The following SLC43A2 variants were observed in gnomAD, a reference collection of about 807,000 sequenced individuals.
The protein encoded by SLC43A2 is solute carrier family 43 member 2, also known as large neutral amino acids transporter small subunit 4.
A neutral mutation model predicts 63.2 loss-of-function variants in SLC43A2; 38 were observed. The ratio of observed to expected loss-of-function variants is 0.60; its 90% CI spans 0.46 to 0.79. The LOEUF is 0.79. Among genes scored for constraint, SLC43A2 ranks in the 30% least tolerant of loss-of-function variants. SLC43A2 has a pLI of 0.00. For synonymous variants in SLC43A2, 322 were observed against 331.0 expected (o/e 0.97, Z 0.30); for missense variants, 644 against 756.2 (o/e 0.85, Z 1.74).
Position 1,605,816 on chromosome 17 carries a change from C to T in SLC43A2, c.501+7379G>A, listed in dbSNP as rs1000200876. 5.9e-5 allele frequency among the ~76,000 whole-genome samples: 9 copies of T among 152,212 alleles called. No individual in the cohort carries two copies. In the South Asian group the frequency reaches 6.2e-4, roughly 11 times the overall value. ...CGGGCACCTCCAAGCACATGCTGCC[C>T]GGGACAAGGTCCTTGTGGTCACCTT... On this transcript the variant is annotated intron_variant, in intron 5 of 13. Coordinates refer to ENST00000301335, the MANE Select transcript of SLC43A2 (RefSeq NM_152346.3). The surrounding 1 kb of genome is among the most constrained non-coding windows in gnomAD (Gnocchi z 4.9).
Position 1,583,473 on chromosome 17 carries a change from T to G in SLC43A2, c.1218-137A>C, listed in dbSNP as rs532003645. The G allele has an allele frequency of 8.8e-5, 128 of 1,454,166 alleles. No homozygotes were observed. The East Asian group carries it at 3.0e-3, about 34-fold the overall frequency. 90.1% of individuals were successfully genotyped at this position (1,454,166 alleles called of 1,614,324 possible). On this transcript the variant is annotated intron_variant, in intron 10 of 13. Transcript: ENST00000301335. The surrounding 1 kb of genome is among the most constrained non-coding windows in gnomAD (Gnocchi z 5.5). ...AGCCACCCAGGCACGTTTTAGGGAC[T>G]GTGTCGGGGCTGGACCAGCACTACG...
At chr17:1,585,728 T>C in intron 10 of SLC43A2, 185 bp downstream of exon 10, 3 of 1,545,014 alleles carry the variant, frequency 1.9e-6, no homozygotes, top group Admixed American at 1.9e-5. Context: ...ACAATTTCCA[T>C]AAAGAGGGGA....
Position 1,578,260 on chromosome 17 carries a change from A to C in SLC43A2, c.1414T>G (p.Tyr472Asp), listed in dbSNP as rs761308703. Reference protein sequence around the residue: ...GFIHSAVGGLYAAVYPSTQFG... With the variant: ...GFIHSAVGGLDAAVYPSTQFG... ...GCTTCCAGGACTTACACGGCAGCGT[A>C]CAGGCCCCCGACAGCGGAGTGGATG... The change falls in exon 12 of 14, where the codon TAC (tyrosine) becomes GAC (aspartate). Residue 472 changes from tyrosine (Y) to aspartate (D), a missense_variant. Around this residue, in one of 3 missense-constraint regions of SLC43A2, gnomAD observed 11 missense variants for 30.9 expected, o/e 0.36. Coordinates refer to ENST00000301335, the MANE Select transcript of SLC43A2 (RefSeq NM_152346.3). The surrounding 1 kb of genome is among the most constrained non-coding windows in gnomAD (Gnocchi z 6.5). The C allele has an allele frequency of 6.2e-7, 1 of 1,613,898 alleles. No individual in the cohort carries two copies. Among genetic ancestry groups the C allele is most frequent in the African/African-American group, 1.3e-5 (1 of 75,042 alleles).
chr17:1,575,678 G>A lies in SLC43A2; in HGVS notation c.1636C>T (p.Leu546=). ...ICYRRQLERQ[L]QQRQEDDKLF... Reference sequence around the variant, plus strand: ...TTGTCATCCTCCTGCCTCTGCTGCAGCTGCCGCTCCAGCTGGCGCCGGTAG... The same window carrying A: ...TTGTCATCCTCCTGCCTCTGCTGCAACTGCCGCTCCAGCTGGCGCCGGTAG... The change falls in exon 14 of 14, where the codon CTG becomes TTG. Residue 546 remains leucine, a synonymous_variant. Coordinates refer to ENST00000301335, the MANE Select transcript of SLC43A2 (RefSeq NM_152346.3). 1.2e-6 allele frequency: 2 copies of A among 1,612,792 alleles called. No homozygotes were observed. The highest frequency in any genetic ancestry group is 1.7e-6 in the Non-Finnish European group (2 of 1,179,778).
chr17:1,588,966 C>T (rs138707621), intron 9 of SLC43A2, among the ~76,000 whole-genome samples: 319 of 152,306 alleles, frequency 2.1e-3, no homozygotes, highest in African/African-American at 7.1e-3. Flanking sequence ...CCCCCTCCTG[C>T]GGAGCCGCAA....
At chr17:1,621,201 G>T (rs1908121129) in intron 2 of SLC43A2, among the ~76,000 whole-genome samples, 1 of 152,206 alleles carries the variant, frequency 6.6e-6, no homozygotes, top group African/African-American at 2.4e-5. Flanking sequence ...AAAAGAGGGT[G>T]CTGTGGCCCC....
intron 2 of SLC43A2, among the ~76,000 whole-genome samples, chr17:1,617,032 C>T (rs993461825): frequency 6.6e-6 from 1 of 152,252 alleles, no homozygotes; most frequent in African/African-American, 2.4e-5. Flanking sequence ...AGAAAATGCA[C>T]ACCAAGGTTT....
chr17:1,619,658 A>T (rs1428518510), intron 2 of SLC43A2, among the ~76,000 whole-genome samples: 1 of 152,230 alleles, frequency 6.6e-6, no homozygotes, highest in Non-Finnish European at 1.5e-5. Flanking sequence ...GGAAAGGAGG[A>T]GCTGCTTTGT....
chr17:1,574,504 G>C lies in SLC43A2; in HGVS notation c.*1100C>G, dbSNP rs948225631. On this transcript the variant is annotated 3_prime_UTR_variant, in exon 14 of 14. Transcript: ENST00000301335. ...AAACACAACTCACCCCTCTAAGCAC[G>C]CCCAGGAGGTCTCAAGACACACTTC... 2.6e-5 allele frequency: 4 copies of C among 152,596 alleles called. No individual in the cohort carries two copies. Among genetic ancestry groups the C allele is most frequent in the Admixed American group, 2.6e-4 (4 of 15,286 alleles). The allele number at this position is 152,596 out of a possible 1,614,324, so 9.5% of individuals were successfully genotyped here. A position where few individuals can be genotyped will look rare whatever the true frequency, so the allele number is the denominator to read the frequency against.
chr17:1,598,585 T>C (rs983041622), intron 5 of SLC43A2, among the ~76,000 whole-genome samples: 19 of 152,152 alleles, frequency 1.2e-4, no homozygotes, highest in African/African-American at 4.3e-4. Flanking sequence ...TCAACAGAGC[T>C]AGAGAATGTT....
chr17:1,597,168 G>A (rs1357235461), intron 5 of SLC43A2, among the ~76,000 whole-genome samples: 12 of 150,726 alleles, frequency 8.0e-5, no homozygotes, highest in African/African-American at 2.0e-4. Context: ...AGCCGAGATC[G>A]TGCCACTGCA....
At chr17:1,582,225 G>C (rs1179574122) in intron 11 of SLC43A2, among the ~76,000 whole-genome samples, 1 of 151,810 alleles carries the variant, frequency 6.6e-6, no homozygotes, top group African/African-American at 2.4e-5. Context: ...GATTACAGGA[G>C]TGTGCCACCA....
intron 5 of SLC43A2, among the ~76,000 whole-genome samples, chr17:1,601,543 G>A (rs1389274479): frequency 6.6e-6 from 1 of 151,078 alleles, no homozygotes; most frequent in Non-Finnish European, 1.5e-5. Context: ...CTTCTGCACC[G>A]AGACTACCCC....
rs10711247 is a variant in SLC43A2 at position 1,569,880 on chromosome 17, CTTTTTTTTTTTT to C, written c.*5712_*5723del. On this transcript the variant is annotated 3_prime_UTR_variant, in exon 14 of 14. Transcript: ENST00000301335. ...GTGGGGTCAGCAGATACAGACCTTA[CTTTTTTTTTTTT>C]TTTTTTTTTTTTTGAGACGGAGTCT... The C allele has an allele frequency of 1.1e-5, 1 of 88,368 alleles. No homozygotes were observed. Among genetic ancestry groups the C allele is most frequent in the South Asian group, 3.4e-4 (1 of 2,948 alleles). 5.5% of individuals were successfully genotyped at this position (88,368 alleles called of 1,614,324 possible). A position where few individuals can be genotyped will look rare whatever the true frequency, so the allele number is the denominator to read the frequency against.
chr17:1,591,669 C>T lies in SLC43A2; in HGVS notation c.625G>A (p.Val209Ile), dbSNP rs1490332096. ...LIYDAGVSFI[V>I]VLVVWAGCSG... ...CAGCCGGCCCAGACCACGAGGACGA[C>T]GATGAAGGAGACACCAGCATCATAG... is the stretch of plus-strand genomic sequence containing the variant. The change falls in exon 7 of 14, where the codon GTC becomes ATC. Residue 209 changes from valine to isoleucine, a missense_variant. By Grantham distance (29) the Val-to-Ile change is conservative. This residue lies in a region of SLC43A2 where 528 missense variants were observed against 623.6 expected (regional missense o/e 0.85). Coordinates refer to ENST00000301335, the MANE Select transcript of SLC43A2 (RefSeq NM_152346.3). The T allele has an allele frequency of 4.6e-6, 7 of 1,530,122 alleles. No individual in the cohort carries two copies. The highest frequency in any genetic ancestry group is 4.5e-5 in the African/African-American group (3 of 67,376). The allele number at this position is 1,530,122 out of a possible 1,614,324, so 94.8% of individuals were successfully genotyped here.
rs547968883 is a variant in SLC43A2 at position 1,574,881 on chromosome 17, G to A, written c.*723C>T. Reference sequence around the variant, plus strand: ...TGTATGTACGGGGTGCCCTGGCGGCGGTCCTCAAATTCCCTTCAGGTGGCA... The same window carrying A: ...TGTATGTACGGGGTGCCCTGGCGGCAGTCCTCAAATTCCCTTCAGGTGGCA... On this transcript the variant is annotated 3_prime_UTR_variant, in exon 14 of 14. Transcript: ENST00000301335. 1 of 152,908 alleles carries A rather than the reference G, an allele frequency of 6.5e-6. No individual in the cohort carries two copies. The highest frequency in any genetic ancestry group is 2.4e-5 in the African/African-American group (1 of 41,582). The allele number at this position is 152,908 out of a possible 1,614,324, so 9.5% of individuals were successfully genotyped here.
intron 5 of SLC43A2, among the ~76,000 whole-genome samples, chr17:1,597,692 A>G (rs1168625341): frequency 1.3e-5 from 2 of 148,832 alleles, no homozygotes; most frequent in Non-Finnish European, 3.0e-5. Context: ...CCAGCTACTC[A>G]GGAGGCTGAG....
In SLC43A2 at chr17:1,575,315, G is replaced by A. The variant is rs118184474; in HGVS notation, c.*289C>T. The stretch of plus-strand genomic sequence containing the variant: ...GCGGGAGAGCGCCTGCCTGCCGGGC[G>A]TTCCTGGCTCCTGCTGCAGGCACCA... On this transcript the variant is annotated 3_prime_UTR_variant, in exon 14 of 14. Coordinates refer to ENST00000301335, the MANE Select transcript of SLC43A2 (RefSeq NM_152346.3). 11,659 of 506,818 alleles carry A rather than the reference G, an allele frequency of 0.023. 214 individuals are homozygous for A. Among genetic ancestry groups the A allele is most frequent in the South Asian group, 0.039 (1,758 of 45,392 alleles). The allele number at this position is 506,818 out of a possible 1,614,324, so 31.4% of individuals were successfully genotyped here.
intron 5 of SLC43A2, among the ~76,000 whole-genome samples, chr17:1,599,588 C>A (rs1598465101): frequency 6.7e-6 from 1 of 149,372 alleles, no homozygotes; most frequent in African/African-American, 2.5e-5. Flanking sequence ...GTAGTCCCAG[C>A]TACTTGGGAG....
Sources: allele counts gnomAD v4.1 joint callset (sites outside exome capture counted in the v4.1 genomes callset), GRCh38; gene constraint gnomAD v4.1.1; regional missense constraint gnomAD v4.1.1; non-coding constraint Gnocchi (gnomAD v3.1); transcripts MANE v1.5; gene names NCBI Gene and HGNC (gene_info 2026-07-23, HGNC 2026-07-21).